CPA3: variants seen among roughly 807,000 people sequenced by gnomAD.
The protein encoded by CPA3 is mast cell carboxypeptidase A.
In CPA3, 52 loss-of-function variants were observed where a neutral mutation model predicts 55.8. The observed-to-expected ratio is 0.93, with a 90% CI of 0.75 to 1.17. CPA3 has a LOEUF of 1.17. Ranked by LOEUF, CPA3 falls within the 50% of genes most tolerant of loss-of-function variation. CPA3 has a pLI of 0.00. For missense variants in CPA3, 547 were observed against 509.1 expected (o/e 1.07, Z -0.72); for synonymous variants, 179 against 171.2 (o/e 1.05, Z -0.36).
At chr3:148,871,614 G>T (rs747200185) in intron 3 of CPA3, among the ~76,000 whole-genome samples, 22 of 152,136 alleles carry the variant, frequency 1.4e-4, no homozygotes, top group Non-Finnish European at 2.5e-4. Context: ...TCTAAATCCA[G>T]ATCCTCAAAT....
intron 3 of CPA3, among the ~76,000 whole-genome samples, chr3:148,874,906 A>G (rs1321546448): frequency 3.3e-5 from 5 of 152,220 alleles, no homozygotes; most frequent in African/African-American, 4.8e-5. Context: ...TTTATGACCC[A>G]ACTTCACTAT....
chr3:148,896,143 T>C (rs1165707340), intron 10 of CPA3, among the ~76,000 whole-genome samples: 2 of 140,758 alleles, frequency 1.4e-5, no homozygotes, highest in Admixed American at 7.3e-5. Context: ...CTATGTATCT[T>C]GTGTGTATAG....
intron 3 of CPA3, among the ~76,000 whole-genome samples, chr3:148,870,920 A>G (rs887553350): frequency 2.2e-4 from 33 of 152,140 alleles, no homozygotes; most frequent in Non-Finnish European, 4.3e-4. Flanking sequence ...GTTTTTTGAG[A>G]TGAAGTCTCG....
Position 148,893,000 on chromosome 3 carries a change from C to G in CPA3, c.1067-3520C>G, listed in dbSNP as rs6777134. ...ATATTGTCATCAGTATCACAAGACA[C>G]AAAAGTAGGCCAGGGCCTGTTTACT... On this transcript the variant is annotated intron_variant, in intron 10 of 10. Transcript: ENST00000296046. Among the ~76,000 whole-genome samples, 1,382 of 151,894 alleles carry G rather than the reference C, an allele frequency of 9.1e-3. 27 individuals are homozygous for G. Among genetic ancestry groups the G allele is most frequent in the African/African-American group, 0.032 (1,332 of 41,430 alleles).
chr3:148,896,974 C>T lies in CPA3; in HGVS notation c.*267C>T, dbSNP rs1211058688. ...AAGCATTATTTTGAAAGGTGATATA[C>T]AGTGGGGCACAGAAAACAAATGAAA... On this transcript the variant is annotated 3_prime_UTR_variant, in exon 11 of 11. Coordinates refer to ENST00000296046, the MANE Select transcript of CPA3 (RefSeq NM_001870.4). The T allele has an allele frequency of 3.7e-6, 1 of 267,506 alleles. No homozygotes were observed. The highest frequency in any genetic ancestry group is 7.0e-6 in the Non-Finnish European group (1 of 142,588). 16.6% of individuals were successfully genotyped at this position (267,506 alleles called of 1,614,324 possible). A position where few individuals can be genotyped will look rare whatever the true frequency, so the allele number is the denominator to read the frequency against.
intron 3 of CPA3, among the ~76,000 whole-genome samples, chr3:148,874,975 A>G (rs1314969649): frequency 6.6e-6 from 1 of 152,190 alleles, no homozygotes; most frequent in African/African-American, 2.4e-5. Flanking sequence ...ACTTCATTTC[A>G]TCCTCACCAC....
rs186360504 is a variant in CPA3, at chr3:148,868,642, G to T, written c.145-273G>T. Among the ~76,000 whole-genome samples, 5 of 150,718 alleles carry T rather than the reference G, an allele frequency of 3.3e-5. No homozygotes were observed. The East Asian group carries it at 9.8e-4, about 29-fold the overall frequency. ...TGTGGAAGAAAAAAATTAACCAAAA[G>T]ATCTGCCCATCCTTTTTAACTTGAT... On this transcript the variant is annotated intron_variant, in intron 2 of 10. Transcript: ENST00000296046.
intron 8 of CPA3, 81 bp downstream of exon 8, chr3:148,882,676 C>A: frequency 9.4e-7 from 1 of 1,065,906 alleles, no homozygotes; most frequent in South Asian, 1.4e-5. Context: ...CCTACTTGTT[C>A]AGTAAAAATA....
At chr3:148,877,655 G>A (rs974420433) in intron 3 of CPA3, among the ~76,000 whole-genome samples, 4 of 152,096 alleles carry the variant, frequency 2.6e-5, no homozygotes, top group East Asian at 1.9e-4. Flanking sequence ...CTATAGGCAC[G>A]TTGTTTCAAC....
chr3:148,888,980 T>C (rs1286426022), intron 10 of CPA3, among the ~76,000 whole-genome samples: 1 of 152,218 alleles, frequency 6.6e-6, no homozygotes, highest in African/African-American at 2.4e-5. Flanking sequence ...CTCCATGCCA[T>C]CATGTGTCAC....
At chr3:148,889,827 G>A (rs888650742) in intron 10 of CPA3, among the ~76,000 whole-genome samples, 4 of 133,408 alleles carry the variant, frequency 3.0e-5, no homozygotes, top group Non-Finnish European at 6.1e-5. Flanking sequence ...CCAAGATCAC[G>A]CCACTGCACT....
rs1297774861 is a variant in CPA3, at chr3:148,882,530, C to G, written c.713C>G (p.Ser238Cys). Reference protein sequence around the residue: ...TKNRMWRKNRSKNQNSKCIGT... With the variant: ...TKNRMWRKNRCKNQNSKCIGT... Reference sequence around the variant, plus strand: ...AACCGCATGTGGAGAAAAAATCGTTCCAAGAACCAAAACTCCAAATGCATC... The same window carrying G: ...AACCGCATGTGGAGAAAAAATCGTTGCAAGAACCAAAACTCCAAATGCATC... Residue 238 changes from serine to cysteine, a missense_variant, in exon 8 of 11, where the codon TCC becomes TGC. Transcript: ENST00000296046. 6.2e-7 allele frequency: 1 copy of G among 1,613,648 alleles called. No individual in the cohort carries two copies.
chr3:148,883,825 C>T lies in CPA3; in HGVS notation c.981+10C>T, dbSNP rs145611901. The T allele has an allele frequency of 3.4e-4, 539 of 1,601,994 alleles. 3 individuals carry two copies. In the African/African-American group the frequency reaches 6.6e-3, roughly 20 times the overall value. On this transcript the variant is annotated intron_variant, in intron 9 of 10. Transcript: ENST00000296046. ...TAACCATGAGGACTTGGTACGTAGA[C>T]AAAAGTTTGCACTTCATGCATCGAC...
At chr3:148,886,445 G>A (rs935273730) in intron 10 of CPA3, among the ~76,000 whole-genome samples, 4 of 151,974 alleles carry the variant, frequency 2.6e-5, no homozygotes, top group African/African-American at 9.7e-5. Context: ...CAGATTTACA[G>A]TTTACTTTAT....
chr3:148,881,202 T>A (rs1274073292), intron 6 of CPA3, among the ~76,000 whole-genome samples: 4 of 152,208 alleles, frequency 2.6e-5, no homozygotes. Flanking sequence ...TAAAAATAAG[T>A]TGTATTACAA....
intron 9 of CPA3, among the ~76,000 whole-genome samples, chr3:148,885,227 A>T (rs1221395324): frequency 6.6e-6 from 1 of 152,086 alleles, no homozygotes; most frequent in Non-Finnish European, 1.5e-5. Flanking sequence ...AATGTAAAAC[A>T]TGGAAGAAAA....
chr3:148,872,135 A>C (rs1177302280), intron 3 of CPA3, among the ~76,000 whole-genome samples: 1 of 152,204 alleles, frequency 6.6e-6, no homozygotes, highest in Non-Finnish European at 1.5e-5. Context: ...TTTTATTTTA[A>C]AGTAGCATAC....
intron 10 of CPA3, among the ~76,000 whole-genome samples, chr3:148,888,729 A>G (rs779079107): frequency 6.6e-5 from 10 of 152,242 alleles, no homozygotes; most frequent in Non-Finnish European, 1.3e-4. Context: ...AAACTTTGCA[A>G]AAGGCAATTA....
At chr3:148,892,804 C>T (rs1160394902) in intron 10 of CPA3, among the ~76,000 whole-genome samples, 1 of 151,318 alleles carries the variant, frequency 6.6e-6, no homozygotes, top group Non-Finnish European at 1.5e-5. Context: ...ATGGTGAAAC[C>T]CTGTCTCTAC....
Sources: gnomAD v4.1 joint callset for allele counts (sites outside exome capture counted in the v4.1 genomes callset) on GRCh38, gnomAD v4.1.1 for gene constraint, MANE v1.5 for transcripts, NCBI Gene and HGNC (gene_info 2026-07-23, HGNC 2026-07-21) for gene names.